The following COL19A1 variants were observed in gnomAD, a reference collection of about 807,000 sequenced individuals.
COL19A1 encodes collagen alpha-1(XIX) chain.
In COL19A1, 159 loss-of-function variants were observed where a neutral mutation model predicts 190.2. That is an observed-to-expected ratio of 0.84 (90% CI 0.73 to 0.95). The LOEUF (loss-of-function observed/expected upper bound fraction) is 0.95. Ranked by LOEUF, COL19A1 falls within the 40% of genes least tolerant of loss-of-function variation. The pLI is 0.00. For missense variants in COL19A1, 1,418 were observed against 1,431.9 expected (o/e 0.99, Z 0.16); for synonymous variants, 509 against 458.9 (o/e 1.11, Z -1.39).
intron 17 of COL19A1, among the ~76,000 whole-genome samples, chr6:70,127,281 T>C (rs1785258512): frequency 6.6e-6 from 1 of 152,146 alleles, no homozygotes; most frequent in African/African-American, 2.4e-5. Flanking sequence ...AAGGTGATAT[T>C]AAAGTTTTGA....
chr6:69,874,716 A>C (rs1198657877), intron 1 of COL19A1, among the ~76,000 whole-genome samples: 2 of 152,110 alleles, frequency 1.3e-5, no homozygotes, highest in Non-Finnish European at 2.9e-5. Context: ...GCACCACTGC[A>C]CTCCAGCCTG....
intron 34 of COL19A1, among the ~76,000 whole-genome samples, chr6:70,160,076 A>G (rs1220267017): frequency 6.6e-6 from 1 of 152,146 alleles, no homozygotes; most frequent in Non-Finnish European, 1.5e-5. Flanking sequence ...GGCAATAGTA[A>G]TGTCATGGTC....
At chr6:70,201,977 T>A (rs1178259690) in intron 49 of COL19A1, among the ~76,000 whole-genome samples, 3 of 152,218 alleles carry the variant, frequency 2.0e-5, no homozygotes, top group Admixed American at 6.5e-5. Flanking sequence ...ATGTAACTTA[T>A]AAGCTTTGCT....
intron 11 of COL19A1, among the ~76,000 whole-genome samples, chr6:69,982,116 A>T (rs1208324422): frequency 6.6e-6 from 1 of 152,206 alleles, no homozygotes; most frequent in Non-Finnish European, 1.5e-5. Context: ...ATGAAGATAT[A>T]GAAAGAAAAA....
chr6:70,173,680 T>C (rs186624349), intron 41 of COL19A1, among the ~76,000 whole-genome samples: 4 of 152,218 alleles, frequency 2.6e-5, no homozygotes, highest in Non-Finnish European at 4.4e-5. Context: ...TGGACTTGAA[T>C]GGGTTTAAGA....
chr6:69,950,660 T>G (rs1774070614), intron 9 of COL19A1, among the ~76,000 whole-genome samples: 1 of 141,590 alleles, frequency 7.1e-6, no homozygotes. Flanking sequence ...AAGCATGAGA[T>G]CACATGAATG....
At chr6:70,207,050 C>G (rs999611965) in intron 50 of COL19A1, 72 bp downstream of exon 50, 1 of 1,603,014 alleles carries the variant, frequency 6.2e-7, no homozygotes, top group Non-Finnish European at 8.5e-7. Context: ...CCCTAGGGTC[C>G]TTATATGTCA....
chr6:69,935,149 A>G (rs546582216), intron 7 of COL19A1, among the ~76,000 whole-genome samples: 98 of 152,200 alleles, frequency 6.4e-4, no homozygotes, highest in African/African-American at 2.1e-3. Context: ...AAATATTAAG[A>G]GAAGGATGAA....
In COL19A1 at chr6:69,908,366, A is replaced by G. The variant is rs550129528; in HGVS notation, c.266+8028A>G. 4.0e-5 allele frequency among the ~76,000 whole-genome samples: 6 copies of G among 151,844 alleles called. No individual in the cohort carries two copies. In the South Asian group the frequency reaches 1.3e-3, roughly 32 times the overall value. On this transcript the variant is annotated intron_variant, in intron 4 of 50. Transcript: ENST00000620364. ...TAGATAGGAATTTTCCTATATAAGG[A>G]TAGGTGACTTAGTTACAAAGTTGTC...
intron 2 of COL19A1, chr6:69,879,868 GT>G: frequency 3.7e-6 from 2 of 546,718 alleles, no homozygotes; most frequent in South Asian, 2.9e-5. Context: ...TAGTATATTA[GT>G]CTATGTTTCC....
intron 2 of COL19A1, among the ~76,000 whole-genome samples, chr6:69,892,908 T>C (rs1025110950): frequency 2.0e-5 from 3 of 152,236 alleles, no homozygotes; most frequent in Admixed American, 6.5e-5. Context: ...AATGGATTCT[T>C]ATTCCACTGA....
At chr6:70,042,722 A>G (rs1291301146) in intron 14 of COL19A1, among the ~76,000 whole-genome samples, 1 of 152,240 alleles carries the variant, frequency 6.6e-6, no homozygotes, top group Non-Finnish European at 1.5e-5. Flanking sequence ...AATTGGAGTC[A>G]ATCCTCTCAA....
Position 69,936,318 on chromosome 6 carries a change from A to G in COL19A1, c.748-467A>G, listed in dbSNP as rs3805960. Among the ~76,000 whole-genome samples, 395 of 152,248 alleles carry G rather than the reference A, an allele frequency of 2.6e-3. 5 individuals are homozygous for G. The highest frequency in any genetic ancestry group is 0.015 in the East Asian group (77 of 5,188). On this transcript the variant is annotated intron_variant, in intron 7 of 50. Coordinates refer to ENST00000620364, the MANE Select transcript of COL19A1 (RefSeq NM_001858.6). The stretch of plus-strand genomic sequence containing the variant: ...TTTGATTTAATAAATGTTGTCTAAG[A>G]GTGTAAAAAGAATTTATTTTCTACT...
intron 16 of COL19A1, among the ~76,000 whole-genome samples, chr6:70,104,395 G>A (rs943175818): frequency 6.6e-5 from 10 of 152,292 alleles, no homozygotes; most frequent in African/African-American, 1.2e-4. Flanking sequence ...AGGAAAGAGC[G>A]AGTGTGAAGC....
chr6:70,127,788 C>T (rs1418022801), intron 17 of COL19A1, among the ~76,000 whole-genome samples: 2 of 152,154 alleles, frequency 1.3e-5, no homozygotes. Context: ...ACAGGAAAGA[C>T]TCACACCCAT....
intron 16 of COL19A1, among the ~76,000 whole-genome samples, chr6:70,114,463 C>T (rs1056624956): frequency 2.6e-5 from 4 of 152,132 alleles, no homozygotes; most frequent in Admixed American, 6.6e-5. Flanking sequence ...GGAAACACCA[C>T]CTCACTGGGC....
chr6:69,929,434 G>A lies in COL19A1; in HGVS notation c.400G>A (p.Val134Ile), dbSNP rs745758670. The change falls in exon 6 of 51, where the codon GTA becomes ATA. Residue 134 changes from valine (V) to isoleucine (I), a missense_variant. By Grantham distance (29) the Val-to-Ile change is conservative. Coordinates refer to ENST00000620364, the MANE Select transcript of COL19A1 (RefSeq NM_001858.6). ...NQQNIPQISIVVDGGKKVVEF... is the reference protein window; with the variant it reads ...NQQNIPQISIIVDGGKKVVEF... ...CTTTACATTTTTGCAGATTTCTATA[G>A]TAGTTGATGGTGGAAAGAAGGTGGT... 3.7e-6 allele frequency: 6 copies of A among 1,613,546 alleles called. No individual in the cohort carries two copies. The highest frequency in any genetic ancestry group is 4.2e-6 in the Non-Finnish European group (5 of 1,179,814).
chr6:70,023,319 T>C (rs1778532227), intron 11 of COL19A1, among the ~76,000 whole-genome samples: 1 of 151,976 alleles, frequency 6.6e-6, no homozygotes. Context: ...GTATTTTTAG[T>C]AGGGACAGGT....
At chr6:70,192,491 C>G (rs1351667246) in intron 48 of COL19A1, among the ~76,000 whole-genome samples, 2 of 151,394 alleles carry the variant, frequency 1.3e-5, no homozygotes, top group African/African-American at 4.9e-5. Flanking sequence ...TTCTCTCTCT[C>G]TCTTTCTTTC....
Sources: gnomAD v4.1 joint callset for allele counts (sites outside exome capture counted in the v4.1 genomes callset) on GRCh38, gnomAD v4.1.1 for gene constraint, MANE v1.5 for transcripts, NCBI Gene and HGNC (gene_info 2026-07-23, HGNC 2026-07-21) for gene names.